The following TNPO3 variants were observed in gnomAD, a reference collection of about 807,000 sequenced individuals.
TNPO3 encodes transportin-3.
In TNPO3, 65 loss-of-function variants were observed where a neutral mutation model predicts 122.8. That is an observed-to-expected ratio of 0.53 (90% CI 0.43 to 0.65). The LOEUF is 0.65. TNPO3 is among the 30% of genes least tolerant of loss of function. The pLI, the probability that TNPO3 is intolerant of heterozygous loss-of-function variation, is 0.00. For synonymous variants in TNPO3, 372 were observed against 411.2 expected (o/e 0.90, Z 1.15); for missense variants, 850 against 1,136.7 (o/e 0.75, Z 3.63).
At chr7:129,056,031 A>G (rs1809423738), upstream of TNPO3, 2 of 1,117,976 alleles carry the variant, frequency 1.8e-6, no homozygotes, top group South Asian at 1.3e-5. Flanking sequence ...GGCGCCCTCC[A>G]GGAAGTTCTT....
intron 20 of TNPO3, among the ~76,000 whole-genome samples, chr7:128,969,907 T>C (rs958493634): frequency 1.3e-5 from 2 of 152,234 alleles, no homozygotes; most frequent in African/African-American, 4.8e-5. Context: ...CAATGCTTGA[T>C]ACTTACTTCT....
chr7:129,021,521 A>C (rs1804520101), intron 1 of TNPO3, among the ~76,000 whole-genome samples: 1 of 152,138 alleles, frequency 6.6e-6, no homozygotes, highest in Admixed American at 6.5e-5. Flanking sequence ...AAAAAAAACA[A>C]AATAATATAG....
At chr7:129,034,025 T>A (rs1806272271) in intron 1 of TNPO3, among the ~76,000 whole-genome samples, 1 of 151,446 alleles carries the variant, frequency 6.6e-6, no homozygotes, top group South Asian at 2.1e-4. Flanking sequence ...TAAATGCCCA[T>A]CTATGGATAA....
chr7:128,972,016 C>G (rs1031879270), intron 19 of TNPO3, among the ~76,000 whole-genome samples: 6 of 152,156 alleles, frequency 3.9e-5, no homozygotes, highest in Non-Finnish European at 8.8e-5. Context: ...ACTAGCCAGG[C>G]ATGGTGTTGA....
At chr7:129,012,915 A>C (rs1803376257) in intron 4 of TNPO3, among the ~76,000 whole-genome samples, 1 of 152,226 alleles carries the variant, frequency 6.6e-6, no homozygotes, top group African/African-American at 2.4e-5. Context: ...TTACAAAAAG[A>C]GGCAGCCAAC....
Position 129,017,966 on chromosome 7 carries a change from A to C in TNPO3, c.312T>G (p.Ile104Met). The C allele has an allele frequency of 6.2e-7, 1 of 1,614,140 alleles. No individual in the cohort carries two copies. Among genetic ancestry groups the C allele is most frequent in the Non-Finnish European group, 8.5e-7 (1 of 1,179,988 alleles). Reference sequence around the variant, plus strand: ...GAAGCACAGGATTTACCTGCGTTACAATAACAGGTGACAAGTCTTTCAAGT... The same window carrying C: ...GAAGCACAGGATTTACCTGCGTTACCATAACAGGTGACAAGTCTTTCAAGT... Reference protein sequence around the residue: ...IQNLKDLSPVIVTQLALAIAD... With the variant: ...IQNLKDLSPVMVTQLALAIAD... The change falls in exon 2 of 23, where the codon ATT becomes ATG. Residue 104 changes from isoleucine to methionine, a missense_variant. By Grantham distance (10) the Ile-to-Met change is conservative. Coordinates refer to ENST00000265388, the MANE Select transcript of TNPO3 (RefSeq NM_012470.4).
intron 1 of TNPO3, among the ~76,000 whole-genome samples, chr7:129,041,116 G>A (rs929219980): frequency 7.2e-5 from 11 of 151,924 alleles, no homozygotes; most frequent in Non-Finnish European, 4.4e-5. Flanking sequence ...TGTAATCCCC[G>A]AGCTTTCAGA....
intron 6 of TNPO3, 130 bp from the exon 7 acceptor site, chr7:129,000,697 G>C: frequency 1.1e-6 from 1 of 915,828 alleles, no homozygotes; most frequent in Non-Finnish European, 1.6e-6. Context: ...TTACTATGCT[G>C]TATCACAATC....
At chr7:129,052,425 T>C (rs1367420621) in intron 1 of TNPO3, among the ~76,000 whole-genome samples, 1 of 152,228 alleles carries the variant, frequency 6.6e-6, no homozygotes, top group African/African-American at 2.4e-5. Flanking sequence ...ACCAAACTAT[T>C]TCTTGTCACA....
chr7:128,990,122 T>G, intron 10 of TNPO3, 22 bp from the exon 11 acceptor site: 1 of 1,614,136 alleles, frequency 6.2e-7, no homozygotes, highest in Non-Finnish European at 8.5e-7. Flanking sequence ...CGGTAAGTAC[T>G]CACAGTTACT....
chr7:128,981,305 A>G (rs1409981452), intron 14 of TNPO3, among the ~76,000 whole-genome samples: 1 of 152,220 alleles, frequency 6.6e-6, no homozygotes, highest in Non-Finnish European at 1.5e-5. Flanking sequence ...CCAGTTATAC[A>G]TGGGTCCCAA....
intron 12 of TNPO3, among the ~76,000 whole-genome samples, chr7:128,986,239 G>A (rs916288263): frequency 4.6e-5 from 7 of 152,154 alleles, no homozygotes; most frequent in Middle Eastern, 3.4e-3. Context: ...TATTAAGTCC[G>A]AGCCTCATCA....
At chr7:129,050,010 G>A (rs1387870167) in intron 1 of TNPO3, among the ~76,000 whole-genome samples, 1 of 152,154 alleles carries the variant, frequency 6.6e-6, no homozygotes, top group Non-Finnish European at 1.5e-5. Context: ...GATTGCCTGA[G>A]ACCAAGAGTT....
chr7:129,018,189 G>C lies in TNPO3; in HGVS notation c.121-32C>G, dbSNP rs760203145. On this transcript the variant is annotated intron_variant, in intron 1 of 22. Coordinates refer to ENST00000265388, the MANE Select transcript of TNPO3 (RefSeq NM_012470.4). ...GCGTATTAGACAAAGATGTCTTAAA[G>C]AAGACTACTTTTCTAATTTTAATGA... 12 of 1,599,774 alleles carry C rather than the reference G, an allele frequency of 7.5e-6. No homozygotes were observed. In the South Asian group the frequency reaches 1.2e-4, roughly 16 times the overall value.
At chr7:129,042,020 G>A (rs767838949) in intron 1 of TNPO3, among the ~76,000 whole-genome samples, 2 of 151,998 alleles carry the variant, frequency 1.3e-5, no homozygotes, top group African/African-American at 2.4e-5. Flanking sequence ...CACTGAGCAG[G>A]CCCTCAACAA....
At chr7:129,035,372 G>A (rs1372281221) in intron 1 of TNPO3, among the ~76,000 whole-genome samples, 1 of 152,218 alleles carries the variant, frequency 6.6e-6, no homozygotes, top group Admixed American at 6.5e-5. Context: ...GGAGGCTGAG[G>A]TGGGAGGATC....
At chr7:129,001,520 C>T (rs1035574309) in intron 5 of TNPO3, among the ~76,000 whole-genome samples, 1 of 152,054 alleles carries the variant, frequency 6.6e-6, no homozygotes, top group Admixed American at 6.6e-5. Context: ...ATATAAGGGA[C>T]TTGGGCATCT....
At chr7:129,009,347 G>A (rs950867297) in intron 4 of TNPO3, among the ~76,000 whole-genome samples, 1 of 152,214 alleles carries the variant, frequency 6.6e-6, no homozygotes, top group African/African-American at 2.4e-5. Context: ...ATCATTAAAG[G>A]AGAGTGTGCA....
intron 1 of TNPO3, among the ~76,000 whole-genome samples, chr7:129,023,409 A>G (rs909691232): frequency 6.6e-6 from 1 of 152,000 alleles, no homozygotes; most frequent in African/African-American, 2.4e-5. Flanking sequence ...CCCTAGCTCT[A>G]TCCACTGAAA....
Sources: allele counts gnomAD v4.1 joint callset (sites outside exome capture counted in the v4.1 genomes callset), GRCh38; gene constraint gnomAD v4.1.1; transcripts MANE v1.5; gene names NCBI Gene and HGNC (gene_info 2026-07-23, HGNC 2026-07-21).